CARF: variants seen among roughly 807,000 people sequenced by gnomAD.
CARF encodes calcium responsive transcription factor.
In CARF, 57 loss-of-function variants were observed where a neutral mutation model predicts 82.0. That is an observed-to-expected ratio of 0.70 (90% confidence interval 0.56 to 0.87). The LOEUF (loss-of-function observed/expected upper bound fraction) is 0.87, where lower values mean the gene tolerates loss of function less well. CARF is among the 40% of genes least tolerant of loss of function. The pLI is 0.00. For synonymous variants in CARF, 268 were observed against 290.1 expected, an observed-to-expected ratio of 0.92 and a Z score of 0.77; for missense variants, 771 against 855.8, an observed-to-expected ratio of 0.90 and a Z score of 1.24.
intron 3 of CARF, among the ~76,000 whole-genome samples, chr2:202,935,543 C>T (rs2105778415): frequency 6.6e-6 from 1 of 151,766 alleles, no homozygotes; most frequent in East Asian, 1.9e-4. Context: ...CCTGCCTCAG[C>T]TTGCCGAGAA....
chr2:202,947,590 C>T (rs554447074), intron 5 of CARF, among the ~76,000 whole-genome samples: 1 of 152,260 alleles, frequency 6.6e-6, no homozygotes, highest in African/African-American at 2.4e-5. Flanking sequence ...CACATGTATA[C>T]ATATGTAACA....
chr2:202,972,389 A>G (rs902263260), intron 12 of CARF, among the ~76,000 whole-genome samples: 3 of 152,062 alleles, frequency 2.0e-5, no homozygotes, highest in African/African-American at 7.2e-5. Context: ...CTTAAGAGGC[A>G]GTGGCAGAGT....
chr2:202,919,046 TA>T (rs1045603367), intron 2 of CARF, among the ~76,000 whole-genome samples: 1 of 152,176 alleles, frequency 6.6e-6, no homozygotes, highest in African/African-American at 2.4e-5. Context: ...CTAGTGTACT[TA>T]CCTAAGCCAG....
At chr2:202,969,503 A>G (rs1388479068) in intron 10 of CARF, among the ~76,000 whole-genome samples, 3 of 152,090 alleles carry the variant, frequency 2.0e-5, no homozygotes, top group Non-Finnish European at 4.4e-5. Flanking sequence ...GGAATCTGGG[A>G]GGTGGAGGTT....
intron 3 of CARF, among the ~76,000 whole-genome samples, chr2:202,930,589 T>C (rs1294579891): frequency 6.6e-6 from 1 of 152,146 alleles, no homozygotes; most frequent in Non-Finnish European, 1.5e-5. Flanking sequence ...TTGTATCTCT[T>C]TGTTGAATTT....
rs2059512719 is a variant in CARF, at chr2:202,965,544, G to C, written c.833-1434G>C. Among the ~76,000 whole-genome samples, 3 of 151,518 alleles carry C rather than the reference G, an allele frequency of 2.0e-5. No homozygotes were observed. The South Asian group carries it at 6.3e-4, about 32-fold the overall frequency. ...ATAGCCTTTGCACATTTTTCTGAGT[G>C]GTTGTTTATTAATTATTTATGATTG... On this transcript the variant is annotated intron_variant, in intron 9 of 16. Coordinates refer to ENST00000438828, the MANE Select transcript of CARF (RefSeq NM_024744.17).
rs1419124682 is a variant in CARF, at chr2:202,987,907, A to G, written c.*4283A>G. Among the ~76,000 whole-genome samples the G allele has an allele frequency of 6.6e-6, 1 of 152,218 alleles. No homozygotes were observed. The highest frequency in any genetic ancestry group is 1.5e-5 in the Non-Finnish European group (1 of 68,038). On this transcript the variant is annotated 3_prime_UTR_variant, in exon 17 of 17. Coordinates refer to ENST00000438828, the MANE Select transcript of CARF (RefSeq NM_024744.17). ...TGCATACAGCCATGAAATCATCAGCATAAGCAAGGTAATGAACATATTCAT... is the reference window on the plus strand; with the variant it reads ...TGCATACAGCCATGAAATCATCAGCGTAAGCAAGGTAATGAACATATTCAT...
chr2:202,941,807 A>C (rs2105801533), intron 3 of CARF, 53 bp from the exon 4 acceptor site: 1 of 871,422 alleles, frequency 1.1e-6, no homozygotes, highest in South Asian at 1.6e-5. Flanking sequence ...AAGATAAAAC[A>C]GTCCACAAAA....
rs1193012804 is a variant in CARF, at chr2:202,983,490, C to T, written c.2060-16C>T. 6.9e-7 allele frequency: 1 copy of T among 1,458,606 alleles called. No individual in the cohort carries two copies. Among genetic ancestry groups the T allele is most frequent in the South Asian group, 1.2e-5 (1 of 82,686 alleles). The allele number at this position is 1,458,606 out of a possible 1,614,324, so 90.4% of individuals were successfully genotyped here. The stretch of plus-strand genomic sequence containing the variant: ...AAATAGATTAACTTTTAGGATTTTT[C>T]TGTTTGTTTTTAAAGTTGAAGAAAA... On this transcript the variant is annotated splice_polypyrimidine_tract_variant and intron_variant, in intron 16 of 16. Transcript: ENST00000438828.
chr2:202,925,024 CA>C, intron 3 of CARF: 1 of 402,994 alleles, frequency 2.5e-6, no homozygotes, highest in South Asian at 2.1e-5. Flanking sequence ...TTTGCAGCAG[CA>C]AAAAGTAGCT....
rs1225523942 is a variant in CARF, at chr2:202,958,247, A to ATGTGTGTGTGTGTG, written c.642+2490_642+2491insGTGTGTGTGTGTGT. Among the ~76,000 whole-genome samples, 62 of 26,524 alleles carry ATGTGTGTGTGTGTG rather than the reference A, an allele frequency of 2.3e-3. 1 individual carries two copies. Among genetic ancestry groups the ATGTGTGTGTGTGTG allele is most frequent in the Non-Finnish European group, 3.9e-3 (37 of 9,498 alleles). The allele number at this position is 26,524 out of a possible 152,430, so 17.4% of individuals were successfully genotyped here. On this transcript the variant is annotated intron_variant, in intron 8 of 16. Transcript: ENST00000438828. ...GTAGAGTACATGTATGTATATACAT[A>ATGTGTGTGTGTGTG]TATGTGTGTGTGTGTGTGTGTGTGT...
chr2:202,980,689 G>A (rs7583443), intron 14 of CARF, among the ~76,000 whole-genome samples: 102 of 112,026 alleles, frequency 9.1e-4, no homozygotes, highest in African/African-American at 3.4e-3. Context: ...TATGGGTTCT[G>A]TATCCATGGC....
chr2:202,921,191 C>T (rs1269165128), intron 2 of CARF, among the ~76,000 whole-genome samples: 1 of 151,942 alleles, frequency 6.6e-6, no homozygotes, highest in Admixed American at 6.6e-5. Flanking sequence ...TTGGTAGAGA[C>T]GGGGTTTCAC....
chr2:202,959,804 C>T (rs1249768803), intron 8 of CARF, among the ~76,000 whole-genome samples: 2 of 119,378 alleles, frequency 1.7e-5, no homozygotes, highest in African/African-American at 6.0e-5. Context: ...AGTGAAACTC[C>T]ATCTCAAAAA....
intron 5 of CARF, among the ~76,000 whole-genome samples, chr2:202,945,086 T>A (rs1448248169): frequency 6.6e-6 from 1 of 152,168 alleles, no homozygotes; most frequent in Non-Finnish European, 1.5e-5. Context: ...TTCAAAGAAC[T>A]GAAGATCAGA....
In CARF at chr2:202,985,738, C is replaced by T. The variant is rs1434975130; in HGVS notation, c.*2114C>T. The T allele has an allele frequency of 6.6e-6, 1 of 152,044 alleles. No individual in the cohort carries two copies. Among genetic ancestry groups the T allele is most frequent in the Non-Finnish European group, 1.5e-5 (1 of 67,964 alleles). The allele number at this position is 152,044 out of a possible 1,614,324, so 9.4% of individuals were successfully genotyped here. A position where few individuals can be genotyped will look rare whatever the true frequency, so the allele number is the denominator to read the frequency against. ...TCTTTCAAGATTCTAAATAATAAAT[C>T]GTTACGTCTCAATAGTGGTAATAGT... On this transcript the variant is annotated 3_prime_UTR_variant, in exon 17 of 17. Coordinates refer to ENST00000438828, the MANE Select transcript of CARF (RefSeq NM_024744.17).
intron 5 of CARF, among the ~76,000 whole-genome samples, chr2:202,950,778 C>T (rs2058718937): frequency 6.6e-6 from 1 of 152,134 alleles, no homozygotes; most frequent in East Asian, 1.9e-4. Flanking sequence ...ATCTGAAGTG[C>T]TGCCACTTCC....
intron 7 of CARF, among the ~76,000 whole-genome samples, chr2:202,955,146 T>C (rs866104099): frequency 7.9e-5 from 12 of 152,236 alleles, no homozygotes; most frequent in Non-Finnish European, 1.3e-4. Flanking sequence ...TTTGTTTTTG[T>C]TTTAAAATAA....
chr2:202,962,920 T>C (rs568207005), intron 9 of CARF: 1 of 152,358 alleles, frequency 6.6e-6, no homozygotes, highest in East Asian at 1.9e-4. Flanking sequence ...CCACACTATA[T>C]ATACTTTAAT....
Sources: allele counts gnomAD v4.1 joint callset (sites outside exome capture counted in the v4.1 genomes callset), GRCh38; gene constraint gnomAD v4.1.1; transcripts MANE v1.5; gene names NCBI Gene and HGNC (gene_info 2026-07-23, HGNC 2026-07-21).